Variants in IRS2 observed in about 807,000 individuals in gnomAD.
IRS2 encodes the protein insulin receptor substrate 2.
IRS2 carries 28 observed loss-of-function variants against 70.9 expected under a neutral mutation model. The ratio of observed to expected loss-of-function variants is 0.39; its 90% CI spans 0.29 to 0.54. The LOEUF (loss-of-function observed/expected upper bound fraction) is 0.54, where lower values mean the gene tolerates loss of function less well. Among genes scored for constraint, IRS2 ranks in the 20% least tolerant of loss-of-function variants. The probability of loss-of-function intolerance (pLI) is 0.59; values close to 1 mark genes in which losing one functional copy is unlikely to be tolerated. For synonymous variants in IRS2, 1,217 were observed against 981.9 expected (o/e 1.24, Z -4.48); for missense variants, 2,081 against 2,024.1 (o/e 1.03, Z -0.54).
At chr13:109,780,319 A>C (rs762079584) in intron 1 of IRS2, among the ~76,000 whole-genome samples, 3 of 152,194 alleles carry the variant, frequency 2.0e-5, no homozygotes, top group African/African-American at 4.8e-5. Flanking sequence ...GTGTCTTATA[A>C]GGCAGCTAAT....
chr13:109,781,805 A>T (rs928410209), intron 1 of IRS2, among the ~76,000 whole-genome samples: 3 of 152,070 alleles, frequency 2.0e-5, no homozygotes, highest in African/African-American at 7.3e-5. Flanking sequence ...GGCCTCAAAA[A>T]ATCAGTCTCC....
At chr13:109,763,836 ATAAT>A (rs1273429866) in intron 1 of IRS2, among the ~76,000 whole-genome samples, 1 of 152,258 alleles carries the variant, frequency 6.6e-6, no homozygotes, top group African/African-American at 2.4e-5. Context: ...AGAATGTAGA[ATAAT>A]TATTTATTCA....
At chr13:109,757,964 G>A (rs1364096599) in intron 1 of IRS2, among the ~76,000 whole-genome samples, 1 of 152,200 alleles carries the variant, frequency 6.6e-6, no homozygotes, top group East Asian at 1.9e-4. Flanking sequence ...TTACAGGCGT[G>A]GGCCACTGCG....
In IRS2 at chr13:109,783,631, CG is replaced by C; in HGVS notation, c.2422del (p.Arg808AlafsTer19). On this transcript the variant is annotated frameshift_variant, in exon 1 of 2. Coordinates refer to ENST00000375856, the MANE Select transcript of IRS2 (RefSeq NM_003749.3). LOFTEE classifies it high-confidence loss of function. ...VPGCCYSSLPRSYKAPYTCGG... is the reference protein window; with the variant it reads ...VPGCCYSSLPXSYKAPYTCGG... ...ACAGGTGTAGGGGGCCTTGTAGGAG[CG>C]GGGCAAGGAGCTGTAGCAGCAGCCG... 1 of 1,549,872 alleles carries C rather than the reference CG, an allele frequency of 6.5e-7. No individual in the cohort carries two copies. Among genetic ancestry groups the C allele is most frequent in the Non-Finnish European group, 8.7e-7 (1 of 1,145,574 alleles).
chr13:109,757,878 C>T (rs1433034410), intron 1 of IRS2, among the ~76,000 whole-genome samples: 1 of 152,136 alleles, frequency 6.6e-6, no homozygotes, highest in Non-Finnish European at 1.5e-5. Context: ...GACGGGGTTT[C>T]ACCATGCTGG....
chr13:109,775,847 A>G (rs558265987), intron 1 of IRS2, among the ~76,000 whole-genome samples: 3 of 151,896 alleles, frequency 2.0e-5, no homozygotes, highest in Non-Finnish European at 4.4e-5. Context: ...TTTAAAATGA[A>G]TATTAAAAGA....
intron 1 of IRS2, among the ~76,000 whole-genome samples, chr13:109,757,304 C>G (rs1877128783): frequency 6.6e-6 from 1 of 152,222 alleles, no homozygotes; most frequent in African/African-American, 2.4e-5. Flanking sequence ...GCTTTGCTCT[C>G]AAACAGGTAC....
intron 1 of IRS2, among the ~76,000 whole-genome samples, chr13:109,772,798 C>T (rs1473551529): frequency 1.3e-5 from 2 of 151,748 alleles, no homozygotes; most frequent in South Asian, 2.1e-4. Flanking sequence ...CGGGTTCACG[C>T]CATTCTCCTG....
Position 109,782,131 on chromosome 13 carries a change from C to T in IRS2, c.3923G>A (p.Gly1308Glu), listed in dbSNP as rs751187145. 8 of 1,607,782 alleles carry T rather than the reference C, an allele frequency of 5.0e-6. No homozygotes were observed. Among genetic ancestry groups the T allele is most frequent in the Non-Finnish European group, 8.5e-7 (1 of 1,178,010 alleles). ...GVGSTGGGCG[G>E]PGPGALPPAN... ...AGGGGGCAGGGCACCGGGACCCGGC[C>T]CCCCGCACCCGCCGCCGGTGCTGCC... Residue 1308 changes from glycine (G) to glutamate (E), a missense_variant, in exon 1 of 2, where the codon GGG becomes GAG. Around this residue, in one of 4 missense-constraint regions of IRS2, gnomAD observed 1,615 missense variants for 1,459.5 expected, o/e 1.11. Coordinates refer to ENST00000375856, the MANE Select transcript of IRS2 (RefSeq NM_003749.3).
chr13:109,779,850 C>T (rs1431946441), intron 1 of IRS2, among the ~76,000 whole-genome samples: 1 of 152,140 alleles, frequency 6.6e-6, no homozygotes, highest in Non-Finnish European at 1.5e-5. Context: ...AATCAAGAAT[C>T]CTATGGGCTG....
chr13:109,761,143 G>A (rs1001986478), intron 1 of IRS2, among the ~76,000 whole-genome samples: 2 of 152,178 alleles, frequency 1.3e-5, no homozygotes, highest in Non-Finnish European at 2.9e-5. Flanking sequence ...GGGAGGCCCC[G>A]GTCCTCTCTG....
At chr13:109,758,913 AG>A (rs1180910540) in intron 1 of IRS2, among the ~76,000 whole-genome samples, 6 of 151,144 alleles carry the variant, frequency 4.0e-5, no homozygotes, top group Non-Finnish European at 8.8e-5. Flanking sequence ...GGGGAAGGAA[AG>A]AAAAAAAAAG....
intron 1 of IRS2, 76 bp downstream of exon 1, chr13:109,781,966 G>A: frequency 1.3e-6 from 2 of 1,519,266 alleles, no homozygotes; most frequent in South Asian, 1.2e-5. Context: ...AAAAGTGGGA[G>A]CAGTGAAACC....
chr13:109,782,091 G>T lies in IRS2; in HGVS notation c.3963C>A (p.Ala1321=). The T allele has an allele frequency of 6.2e-7, 1 of 1,612,512 alleles. No homozygotes were observed. ...PGALPPANTY[A]SIDFLSHHLK... Reference sequence around the variant, plus strand: ...AGTGGTGGGACAAGAAGTCAATGCTGGCGTAGGTGTTGGCAGGGGGCAGGG... The same window carrying T: ...AGTGGTGGGACAAGAAGTCAATGCTTGCGTAGGTGTTGGCAGGGGGCAGGG... Residue 1321 remains alanine (A), a synonymous_variant, in exon 1 of 2, where the codon GCC becomes GCA. Coordinates refer to ENST00000375856, the MANE Select transcript of IRS2 (RefSeq NM_003749.3).
Position 109,783,591 on chromosome 13 carries a change from G to A in IRS2, c.2463C>T (p.Asp821=), listed in dbSNP as rs1408343350. ...CGGGGGAGCTCATGAGCACGTACTG[G>A]TCGCTGTCCCCGCCACAGGTGTAGG... ...KAPYTCGGDS[D]QYVLMSSPVG... The change falls in exon 1 of 2, where the codon GAC becomes GAT. Residue 821 remains aspartate, a synonymous_variant. Transcript: ENST00000375856. The A allele has an allele frequency of 9.1e-6, 14 of 1,546,662 alleles. No homozygotes were observed. Among genetic ancestry groups the A allele is most frequent in the Non-Finnish European group, 1.2e-5 (14 of 1,144,192 alleles).
chr13:109,765,453 C>T (rs1877315077), intron 1 of IRS2, among the ~76,000 whole-genome samples: 1 of 150,984 alleles, frequency 6.6e-6, no homozygotes, highest in Non-Finnish European at 1.5e-5. Flanking sequence ...TCCAACTCCC[C>T]ACCAAGCATG....
intron 1 of IRS2, among the ~76,000 whole-genome samples, chr13:109,758,994 T>C (rs1426448534): frequency 6.6e-6 from 1 of 151,550 alleles, no homozygotes; most frequent in Non-Finnish European, 1.5e-5. Flanking sequence ...ATGAACCTGT[T>C]AATGGCACAC....
chr13:109,769,353 G>A (rs902268324), intron 1 of IRS2, among the ~76,000 whole-genome samples: 10 of 152,132 alleles, frequency 6.6e-5, no homozygotes, highest in Admixed American at 4.6e-4. Flanking sequence ...ACGGCTGGCC[G>A]GGCTCAATTC....
At position 109,785,614 on chromosome 13, in the gene IRS2, C is replaced by T. The variant is rs2138938746; in HGVS notation, c.440G>A (p.Arg147His). The change falls in exon 1 of 2, where the codon CGC (arginine) becomes CAC (histidine). Residue 147 changes from arginine to histidine, a missense_variant. Arg to His is a conservative substitution (Grantham distance 29). Around this residue, in one of 4 missense-constraint regions of IRS2, gnomAD observed 320 missense variants for 352.9 expected, o/e 0.91. Transcript: ENST00000375856. This position sits in a 1 kb window ranked among gnomAD's most constrained non-coding sequence, Gnocchi z 9.3. ...RALTDLVSEG[R>H]AAAGDAPPAA... ...GGGGGGCGCGTCTCCGGCGGCCGCG[C>T]GGCCCTCGCTGACCAGGTCGGTGAG... The T allele has an allele frequency of 2.2e-6, 3 of 1,393,868 alleles. No individual in the cohort carries two copies. Among genetic ancestry groups the T allele is most frequent in the South Asian group, 3.3e-5 (2 of 61,450 alleles). 86.3% of individuals were successfully genotyped at this position (1,393,868 alleles called of 1,614,324 possible). A position where few individuals can be genotyped will look rare whatever the true frequency, so the allele number is the denominator to read the frequency against.
Sources: gnomAD v4.1 joint callset for allele counts (sites outside exome capture counted in the v4.1 genomes callset) on GRCh38, gnomAD v4.1.1 for gene constraint, gnomAD v4.1.1 regional missense constraint, Gnocchi (gnomAD v3.1) non-coding constraint, MANE v1.5 for transcripts, NCBI Gene and HGNC (gene_info 2026-07-23, HGNC 2026-07-21) for gene names.